Variants in TAF1 observed in about 807,000 individuals in gnomAD.
TAF1 encodes transcription initiation factor TFIID subunit 1.
A neutral mutation model predicts 138.5 loss-of-function variants in TAF1; 2 were observed. The observed-to-expected ratio is 0.01, with a 90% CI of 0.01 to 0.05. The LOEUF (loss-of-function observed/expected upper bound fraction) is 0.05, where lower values mean the gene tolerates loss of function less well. Among genes scored for constraint, TAF1 ranks in the 10% least tolerant of loss-of-function variants. The pLI is 1.00. For missense variants in TAF1, 709 were observed against 1,478.0 expected (o/e 0.48, Z 8.53); for synonymous variants, 437 against 503.2 (o/e 0.87, Z 1.76).
At chrX:71,461,527 A>G (rs1249080050) in intron 37 of TAF1, among the ~76,000 whole-genome samples, 1 of 111,090 alleles carries the variant, frequency 9.0e-6, no homozygotes, top group Non-Finnish European at 1.9e-5. Flanking sequence ...TAGATGAATA[A>G]TGAATGGAGA....
chrX:71,523,100 TGAGCCCGGGAGGCA>T, intron 13 of TAF1, among the ~76,000 whole-genome samples: 1 of 101,984 alleles, frequency 9.8e-6, no homozygotes, highest in African/African-American at 3.7e-5. Flanking sequence ...GAGAATCGCT[TGAGCCCGGGAGGCA>T]GAGGTTCCAG....
chrX:71,424,569 G>A (rs2036510194), intron 32 of TAF1, among the ~76,000 whole-genome samples: 1 of 109,716 alleles, frequency 9.1e-6, no homozygotes, highest in African/African-American at 3.3e-5. Context: ...ATTTATGTGC[G>A]TAAAGCAACC....
chrX:71,381,653 T>C, intron 8 of TAF1, 90 bp from the exon 9 acceptor site: 1 of 1,016,223 alleles, frequency 9.8e-7, no homozygotes, highest in Non-Finnish European at 1.4e-6. Flanking sequence ...TCTACTAACA[T>C]GAGTAACTCT....
At chrX:71,506,097 G>T (rs752335036) in intron 13 of TAF1, among the ~76,000 whole-genome samples, 1 of 108,955 alleles carries the variant, frequency 9.2e-6, no homozygotes, top group African/African-American at 3.3e-5. Context: ...CTACTCGGGA[G>T]GCTGAGTCAG....
chrX:71,396,635 A>G (rs775204791), intron 22 of TAF1, among the ~76,000 whole-genome samples: 3 of 111,667 alleles, frequency 2.7e-5, no homozygotes, highest in South Asian at 3.7e-4. Context: ...CACTTCCTAC[A>G]TGGTCTTTTC....
intron 12 of TAF1, among the ~76,000 whole-genome samples, chrX:71,383,557 A>G (rs1440014792): frequency 1.8e-5 from 2 of 112,264 alleles, no homozygotes; most frequent in African/African-American, 3.2e-5. Flanking sequence ...AAAATAGCAT[A>G]ATATTTGCAC....
chrX:71,397,353 T>C lies in TAF1; in HGVS notation c.3507T>C (p.Tyr1169=). 8.3e-7 allele frequency: 1 copy of C among 1,211,644 alleles called. No individual in the cohort carries two copies. Among genetic ancestry groups the C allele is most frequent in the Admixed American group, 2.2e-5 (1 of 45,931 alleles). ...SSATGRCLKI[Y]RTFRDEEGKE... ...CCACTGGACGCTGTCTCAAGATTTA[T>C]CGCACGTTTCGAGATGAAGAGGGGA... Residue 1169 remains tyrosine (Y), a synonymous_variant, in exon 23 of 38, where the codon TAT becomes TAC. Transcript: ENST00000423759.
intron 29 of TAF1, among the ~76,000 whole-genome samples, chrX:71,421,956 G>T (rs28382196): frequency 3.2e-4 from 36 of 111,887 alleles, no homozygotes; most frequent in Admixed American, 1.9e-4. Flanking sequence ...TTTAAACCAC[G>T]ATGTCACTAC....
chrX:71,373,056 C>T lies in TAF1; in HGVS notation c.353-2111C>T, dbSNP rs181465892. On this transcript the variant is annotated intron_variant, in intron 3 of 37. Coordinates refer to ENST00000423759, the MANE Select transcript of TAF1 (RefSeq NM_004606.5). ...TAATTTTTTGTATTTTTAGTAGAGA[C>T]GGGGTTTCACAGTGTTAGCCAGGGT... Among the ~76,000 whole-genome samples, 775 of 109,501 alleles carry T rather than the reference C, an allele frequency of 7.1e-3. 10 individuals are homozygous for T. The highest frequency in any genetic ancestry group is 0.024 in the African/African-American group (734 of 30,105).
chrX:71,462,015 A>T (rs1386742787), intron 37 of TAF1, among the ~76,000 whole-genome samples: 1 of 111,934 alleles, frequency 8.9e-6, no homozygotes, highest in African/African-American at 3.2e-5. Flanking sequence ...ACAGGCATGA[A>T]ACGCTTTCAG....
intron 13 of TAF1, 66 bp downstream of exon 13, chrX:71,384,201 T>C (rs1362674209): frequency 4.4e-6 from 5 of 1,137,742 alleles, no homozygotes; most frequent in Admixed American, 2.6e-5. Flanking sequence ...TAAACTTTTA[T>C]GTACAAACTT....
chrX:71,393,654 C>T (rs1468725720), intron 21 of TAF1, among the ~76,000 whole-genome samples, 178 bp downstream of exon 21: 1 of 111,291 alleles, frequency 9.0e-6, no homozygotes, highest in East Asian at 2.8e-4. Flanking sequence ...TCCCTTCAAC[C>T]CAACTTGGCA....
intron 13 of TAF1, among the ~76,000 whole-genome samples, chrX:71,518,326 C>T (rs767782723): frequency 9.0e-6 from 1 of 110,994 alleles, no homozygotes; most frequent in Admixed American, 9.6e-5. Flanking sequence ...TGCCACCATG[C>T]CCAGCTAATT....
chrX:71,423,933 G>T lies in TAF1; in HGVS notation c.4576-41G>T, dbSNP rs373032671. On this transcript the variant is annotated intron_variant, in intron 30 of 37. Transcript: ENST00000423759. ...AAAGGTGGTGAAATTCTCGTATGAA[G>T]AGTGGTTTCCATTTAATTTCTTATG... is the stretch of plus-strand genomic sequence containing the variant. 3.8e-6 allele frequency: 4 copies of T among 1,053,156 alleles called. No homozygotes were observed. The African/African-American group carries it at 7.5e-5, about 20-fold the overall frequency. The allele number at this position is 1,053,156 out of a possible 1,213,427, so 86.8% of individuals were successfully genotyped here. A position where few individuals can be genotyped will look rare whatever the true frequency, so the allele number is the denominator to read the frequency against.
intron 32 of TAF1, among the ~76,000 whole-genome samples, chrX:71,447,115 T>C (rs2037728679): frequency 9.0e-6 from 1 of 111,477 alleles, no homozygotes; most frequent in African/African-American, 3.2e-5. Context: ...TCTTTTTATA[T>C]CTGGCACTGA....
At chrX:71,477,281 A>C (rs2038996571) in intron 13 of TAF1, among the ~76,000 whole-genome samples, 1 of 110,697 alleles carries the variant, frequency 9.0e-6, no homozygotes, top group Non-Finnish European at 1.9e-5. Flanking sequence ...TAATTTAAAA[A>C]ATTTTTTTAA....
At chrX:71,460,208 T>C (rs1038275869) in intron 36 of TAF1, among the ~76,000 whole-genome samples, 3 of 111,776 alleles carry the variant, frequency 2.7e-5, no homozygotes, top group African/African-American at 6.5e-5. Flanking sequence ...ACCATTGCAC[T>C]ACAGCTTAGG....
intron 20 of TAF1, 26 bp from the exon 21 acceptor site, chrX:71,393,275 T>C: frequency 8.4e-7 from 1 of 1,185,193 alleles, no homozygotes; most frequent in Non-Finnish European, 1.1e-6. Context: ...TATATTTATA[T>C]TTGTGTGTGG....
At chrX:71,370,691 C>T (rs972103257) in intron 3 of TAF1, among the ~76,000 whole-genome samples, 4 of 111,538 alleles carry the variant, frequency 3.6e-5, no homozygotes, top group African/African-American at 1.3e-4. Flanking sequence ...ATTTATTCAT[C>T]GTCCACCTCT....
Sources: gnomAD v4.1 joint callset for allele counts (sites outside exome capture counted in the v4.1 genomes callset) on GRCh38, gnomAD v4.1.1 for gene constraint, MANE v1.5 for transcripts, NCBI Gene and HGNC (gene_info 2026-07-23, HGNC 2026-07-21) for gene names.